ARHGEF1: variants seen among roughly 807,000 people sequenced by gnomAD.
ARHGEF1 encodes the protein 115 kDa guanine nucleotide exchange factor.
A neutral mutation model predicts 119.7 loss-of-function variants in ARHGEF1; 40 were observed. The ratio of observed to expected loss-of-function variants is 0.33; its 90% CI spans 0.26 to 0.44. The LOEUF (loss-of-function observed/expected upper bound fraction) is 0.44, where lower values mean the gene tolerates loss of function less well. ARHGEF1 is among the 20% of genes least tolerant of loss of function. The pLI, the probability that ARHGEF1 is intolerant of heterozygous loss-of-function variation, is 1.00. For missense variants in ARHGEF1, 976 were observed against 1,268.3 expected (o/e 0.77, Z 3.50); for synonymous variants, 494 against 521.0 (o/e 0.95, Z 0.71).
Position 41,906,505 on chromosome 19 carries a change from C to T in ARHGEF1, c.2540C>T (p.Ala847Val), listed in dbSNP as rs1555850220. The T allele has an allele frequency of 1.9e-6, 3 of 1,583,340 alleles. No individual in the cohort carries two copies. The highest frequency in any genetic ancestry group is 2.6e-6 in the Non-Finnish European group (3 of 1,172,020). ...TTTCCGGCGGAGGAAGACAATGGGG[C>T]GGGGCCTCCTCGAGATGGGGATGGG... ...LLFPAEEDNG[A>V]GPPRDGDGVP... Residue 847 changes from alanine to valine, a missense_variant, in exon 27 of 29, where the codon GCG (alanine) becomes GTG (valine). By Grantham distance (64) the Ala-to-Val change is moderately conservative. Around this residue, in one of 3 missense-constraint regions of ARHGEF1, gnomAD observed 171 missense variants for 180.6 expected, o/e 0.95. Transcript: ENST00000354532. This position sits in a 1 kb window ranked among gnomAD's most constrained non-coding sequence, Gnocchi z 4.5.
At chr19:41,897,439 G>A (rs1555848091) in intron 13 of ARHGEF1, 2 of 779,932 alleles carry the variant, frequency 2.6e-6, no homozygotes, top group Non-Finnish European at 3.4e-6. Context: ...AGGGGTGGGT[G>A]GGGACATCAC....
intron 12 of ARHGEF1, among the ~76,000 whole-genome samples, chr19:41,895,809 C>CA (rs2074475661): frequency 6.6e-6 from 1 of 152,286 alleles, no homozygotes; most frequent in South Asian, 2.1e-4. Flanking sequence ...CTCTGAGCTG[C>CA]ATTGCTGGCC....
At chr19:41,912,447 C>T (rs1400851003), downstream of ARHGEF1, among the ~76,000 whole-genome samples, 2 of 152,218 alleles carry the variant, frequency 1.3e-5, no homozygotes, top group Non-Finnish European at 2.9e-5. Context: ...GTACCCCTGA[C>T]TGGGCAGTGC....
At chr19:41,913,330 C>T (rs1555851439) in intron 18 of ARHGEF1, among the ~76,000 whole-genome samples, 1 of 151,660 alleles carries the variant, frequency 6.6e-6, no homozygotes, top group East Asian at 1.9e-4. Context: ...CCCGCTCTCC[C>T]GCCTGACCTC....
chr19:41,927,507 C>T (rs1371873355), intron 1 of ARHGEF1, among the ~76,000 whole-genome samples: 1 of 152,102 alleles, frequency 6.6e-6, no homozygotes, highest in African/African-American at 2.4e-5. Flanking sequence ...CAGATATCCA[C>T]ACCCCCAGTC....
Position 41,892,481 on chromosome 19 carries a change from T to C in ARHGEF1, c.367+108T>C. 2 of 1,590,880 alleles carry C rather than the reference T, an allele frequency of 1.3e-6. No homozygotes were observed. The highest frequency in any genetic ancestry group is 2.2e-5 in the East Asian group (1 of 44,470). ...CCATGCTCTGCTCGGACAGCCGAGA[T>C]TCATTCATTCCTTCTTGGCAGCGGC... is the stretch of plus-strand genomic sequence containing the variant. On this transcript the variant is annotated intron_variant, in intron 6 of 28. Transcript: ENST00000354532. This position sits in a 1 kb window ranked among gnomAD's most constrained non-coding sequence, Gnocchi z 6.3.
rs576190759 is a variant in ARHGEF1 at position 41,917,868 on chromosome 19, G to A, written c.1866-5224G>A. The stretch of plus-strand genomic sequence containing the variant: ...CACCCATCTGTTGCCACACAAACGA[G>A]CCCCCAACACCCTGTCCCATCTGGG... On this transcript the variant is annotated intron_variant, in intron 18 of 20. Coordinates refer to the ARHGEF1 transcript ENST00000599589. The surrounding 1 kb of genome is among the most constrained non-coding windows in gnomAD (Gnocchi z 4.8). Among the ~76,000 whole-genome samples, 3 of 151,960 alleles carry A rather than the reference G, an allele frequency of 2.0e-5. No individual in the cohort carries two copies. The highest frequency in any genetic ancestry group is 2.1e-4 in the South Asian group (1 of 4,808).
downstream of ARHGEF1, among the ~76,000 whole-genome samples, chr19:41,911,296 A>C (rs1599671664): frequency 6.6e-6 from 1 of 152,186 alleles, no homozygotes; most frequent in Non-Finnish European, 1.5e-5. Flanking sequence ...CTTATGCCAC[A>C]TCCTCTGTCC....
chr19:41,896,818 C>T, intron 13 of ARHGEF1: 2 of 394,598 alleles, frequency 5.1e-6, no homozygotes, highest in Admixed American at 5.3e-5. Context: ...CCTCTCCTCT[C>T]TCACCTCCCC....
At chr19:41,894,139 T>TGTGTGTGA (rs2074435254) in intron 8 of ARHGEF1, 68 bp from the exon 9 acceptor site, 1 of 793,458 alleles carries the variant, frequency 1.3e-6, no homozygotes, top group African/African-American at 1.9e-5. Context: ...TGTGTGAGTG[T>TGTGTGTGA]GTGTGTGTGT....
downstream of ARHGEF1, among the ~76,000 whole-genome samples, chr19:41,912,247 G>A (rs1230927084): frequency 6.6e-6 from 1 of 152,212 alleles, no homozygotes; most frequent in African/African-American, 2.4e-5. Context: ...AAACACTGAA[G>A]TGTGACACAG....
Position 41,905,706 on chromosome 19 carries a change from C to T in ARHGEF1, c.2337-54C>T. On this transcript the variant is annotated intron_variant, in intron 24 of 28. Transcript: ENST00000354532. This position sits in a 1 kb window ranked among gnomAD's most constrained non-coding sequence, Gnocchi z 6.4. ...CCTCCAGCTCTCTGTCTCCCTGCCC[C>T]TGCGGCCCCCCAGGGCCAGGGGTGT... is the stretch of plus-strand genomic sequence containing the variant. 1 of 1,596,682 alleles carries T rather than the reference C, an allele frequency of 6.3e-7. No individual in the cohort carries two copies. Among genetic ancestry groups the T allele is most frequent in the Non-Finnish European group, 8.6e-7 (1 of 1,167,478 alleles).
downstream of ARHGEF1, chr19:41,907,680 A>G: frequency 5.2e-6 from 2 of 383,442 alleles, no homozygotes; most frequent in Non-Finnish European, 9.3e-6. Context: ...CCGATCCCCC[A>G]TGCTCAGCAC....
In ARHGEF1 at chr19:41,905,030, G is replaced by A. The variant is rs376994500; in HGVS notation, c.2243G>A (p.Arg748Gln). 117 of 1,614,134 alleles carry A rather than the reference G, an allele frequency of 7.2e-5. 2 individuals carry two copies. The highest frequency in any genetic ancestry group is 6.5e-4 in the South Asian group (59 of 91,086). Residue 748 changes from arginine (R) to glutamine (Q), a missense_variant, in exon 23 of 29, where the codon CGG becomes CAG. Coordinates refer to ENST00000354532, the MANE Select transcript of ARHGEF1 (RefSeq NM_004706.4). This position sits in a 1 kb window ranked among gnomAD's most constrained non-coding sequence, Gnocchi z 6.4. ...CTGGTGGCACAGACTGTGTCGGAGC[G>A]GAAAAAGTGAGGGGGGGTCTGAGTT... Reference protein sequence around the residue: ...YELVAQTVSERKNWCALITET... With the variant: ...YELVAQTVSEQKNWCALITET...
At chr19:41,929,191 C>T (rs1295822296) in intron 2 of ARHGEF1, among the ~76,000 whole-genome samples, 3 of 151,952 alleles carry the variant, frequency 2.0e-5, no homozygotes, top group African/African-American at 7.3e-5. Flanking sequence ...CCACACCTTC[C>T]CCAACCCACA....
In ARHGEF1 at chr19:41,904,022, C is replaced by T; in HGVS notation, c.1918-13C>T. 6.2e-7 allele frequency: 1 copy of T among 1,613,878 alleles called. No homozygotes were observed. The highest frequency in any genetic ancestry group is 8.5e-7 in the Non-Finnish European group (1 of 1,179,870). On this transcript the variant is annotated splice_polypyrimidine_tract_variant and intron_variant, in intron 20 of 28. Coordinates refer to ENST00000354532, the MANE Select transcript of ARHGEF1 (RefSeq NM_004706.4). This position sits in a 1 kb window ranked among gnomAD's most constrained non-coding sequence, Gnocchi z 8.4. The stretch of plus-strand genomic sequence containing the variant: ...TGCCAACCTGCACAAACCATCACCC[C>T]CTCCTGCCCCAGAACCTGGACATCA...
In ARHGEF1 at chr19:41,905,515, C is replaced by T. The variant is rs1555849952; in HGVS notation, c.2337-245C>T. The T allele has an allele frequency of 1.5e-5, 9 of 613,138 alleles. No individual in the cohort carries two copies. Among genetic ancestry groups the T allele is most frequent in the Non-Finnish European group, 2.3e-5 (8 of 348,216 alleles). 38.0% of individuals were successfully genotyped at this position (613,138 alleles called of 1,614,324 possible). On this transcript the variant is annotated intron_variant, in intron 24 of 28. Transcript: ENST00000354532. The surrounding 1 kb of genome is among the most constrained non-coding windows in gnomAD (Gnocchi z 6.4). The stretch of plus-strand genomic sequence containing the variant: ...TATGCATATGTGTGCATGCGTGTGA[C>T]AGCATGTGCATGCATGTGTGTGTGT...
chr19:41,906,315 G>T lies in ARHGEF1; in HGVS notation c.2492-142G>T. On this transcript the variant is annotated intron_variant, in intron 26 of 28. Coordinates refer to ENST00000354532, the MANE Select transcript of ARHGEF1 (RefSeq NM_004706.4). This position sits in a 1 kb window ranked among gnomAD's most constrained non-coding sequence, Gnocchi z 4.5. ...AGCCTCACTTCTTCACCTCCCTTTG[G>T]ATCCCCGAACCCCATCTGCTCAGCC... is the stretch of plus-strand genomic sequence containing the variant. 1 of 847,848 alleles carries T rather than the reference G, an allele frequency of 1.2e-6. No homozygotes were observed. Among genetic ancestry groups the T allele is most frequent in the Non-Finnish European group, 1.8e-6 (1 of 550,932 alleles). The allele number at this position is 847,848 out of a possible 1,614,324, so 52.5% of individuals were successfully genotyped here. A position where few individuals can be genotyped will look rare whatever the true frequency, so the allele number is the denominator to read the frequency against.
In ARHGEF1 at chr19:41,906,004, G is replaced by A. The variant is rs1010753607; in HGVS notation, c.2470G>A (p.Ala824Thr). The change falls in exon 26 of 29, where the codon GCT (alanine) becomes ACT (threonine). Residue 824 changes from alanine (A) to threonine (T), a missense_variant. Ala to Thr is a moderately conservative substitution (Grantham distance 58). Transcript: ENST00000354532. This position sits in a 1 kb window ranked among gnomAD's most constrained non-coding sequence, Gnocchi z 4.5. Reference protein sequence around the residue: ...FCRPGPEGQLAATALRKVLSL... With the variant: ...FCRPGPEGQLTATALRKVLSL... ...CAGACCAGGCCCCGAGGGCCAGCTC[G>A]CTGCCACGGCCCTTCGGAAAGGTAG... 20 of 1,613,986 alleles carry A rather than the reference G, an allele frequency of 1.2e-5. No individual in the cohort carries two copies. The highest frequency in any genetic ancestry group is 1.6e-4 in the Middle Eastern group (1 of 6,062).
Sources: gnomAD v4.1 joint callset for allele counts (sites outside exome capture counted in the v4.1 genomes callset) on GRCh38, gnomAD v4.1.1 for gene constraint, gnomAD v4.1.1 regional missense constraint, Gnocchi (gnomAD v3.1) non-coding constraint, MANE v1.5 for transcripts, NCBI Gene and HGNC (gene_info 2026-07-23, HGNC 2026-07-21) for gene names.